GREB1L: variants seen among roughly 807,000 people sequenced by gnomAD.
GREB1L encodes the protein GREB1-like protein.
A neutral mutation model predicts 200.8 loss-of-function variants in GREB1L; 17 were observed. The observed-to-expected ratio is 0.08, with a 90% CI of 0.06 to 0.13. The LOEUF (loss-of-function observed/expected upper bound fraction) is 0.13, where lower values mean the gene tolerates loss of function less well. GREB1L is among the 10% of genes least tolerant of loss of function. The pLI is 1.00. For missense variants in GREB1L, 1,657 were observed against 2,367.7 expected, an observed-to-expected ratio of 0.70 and a Z score of 6.23; for synonymous variants, 789 against 893.0, an observed-to-expected ratio of 0.88 and a Z score of 2.08.
intron 10 of GREB1L, among the ~76,000 whole-genome samples, chr18:21,442,464 A>G (rs948717617): frequency 1.3e-5 from 2 of 152,210 alleles, no homozygotes; most frequent in Admixed American, 1.3e-4. Context: ...TAAATGCTGT[A>G]TAGATTAGGA....
At chr18:21,268,966 G>C (rs1321082165) in intron 1 of GREB1L, among the ~76,000 whole-genome samples, 1 of 151,874 alleles carries the variant, frequency 6.6e-6, no homozygotes, top group Non-Finnish European at 1.5e-5. Context: ...CTCCGTACAA[G>C]TTGTTCATTG....
At chr18:21,323,176 G>T (rs1277052212) in intron 1 of GREB1L, among the ~76,000 whole-genome samples, 1 of 151,982 alleles carries the variant, frequency 6.6e-6, no homozygotes, top group African/African-American at 2.4e-5. Flanking sequence ...GGTCCCAGCC[G>T]CTTGGGAGGC....
intron 1 of GREB1L, among the ~76,000 whole-genome samples, chr18:21,306,570 G>A (rs1292506481): frequency 6.6e-6 from 1 of 152,176 alleles, no homozygotes; most frequent in East Asian, 1.9e-4. Context: ...TGAAATCGTG[G>A]TAAGTACTCA....
Position 21,415,251 on chromosome 18 carries a change from C to G in GREB1L, c.832+11257C>G, listed in dbSNP as rs529839455. On this transcript the variant is annotated intron_variant, in intron 7 of 32. Transcript: ENST00000424526. Reference sequence around the variant, plus strand: ...ACCATTCAAGCCAAGCGTGGTGGCTCACATCTGTAATCCCAGCATTTAGGA... The same window carrying G: ...ACCATTCAAGCCAAGCGTGGTGGCTGACATCTGTAATCCCAGCATTTAGGA... Among the ~76,000 whole-genome samples, 235 of 152,294 alleles carry G rather than the reference C, an allele frequency of 1.5e-3. 2 individuals carry two copies. The highest frequency in any genetic ancestry group is 5.5e-3 in the African/African-American group (227 of 41,568).
rs189212514 is a variant in GREB1L, at chr18:21,485,664, G to A, written c.2601G>A (p.Glu867=). 18 of 1,551,614 alleles carry A rather than the reference G, an allele frequency of 1.2e-5. No individual in the cohort carries two copies. In the Admixed American group the frequency reaches 3.1e-4, roughly 27 times the overall value. ...AGAAGCTGTACTTTGGCTTGAGTGA[G>A]TACAGCAAGTCTCTGCAGTGGGGGA... The part of the protein sequence containing the change: ...CEEKLYFGLS[E]YSKSLQWGIT... Residue 867 remains glutamate, a synonymous_variant, in exon 18 of 33, where the codon GAG becomes GAA. Transcript: ENST00000424526.
intron 1 of GREB1L, among the ~76,000 whole-genome samples, chr18:21,350,028 C>T (rs192458609): frequency 7.2e-5 from 11 of 152,148 alleles, no homozygotes; most frequent in Admixed American, 3.3e-4. Context: ...AGAGTTGCTA[C>T]ATCCTATGAG....
intron 1 of GREB1L, among the ~76,000 whole-genome samples, chr18:21,292,507 T>C (rs548833328): frequency 6.6e-6 from 1 of 152,362 alleles, no homozygotes; most frequent in East Asian, 1.9e-4. Context: ...ACTCGTTAGC[T>C]ATCGCTTCTC....
chr18:21,488,147 A>T (rs1222575254), intron 18 of GREB1L, among the ~76,000 whole-genome samples: 3 of 152,002 alleles, frequency 2.0e-5, no homozygotes, highest in Admixed American at 6.6e-5. Context: ...TCTACTAAAA[A>T]TACAAAATTA....
At chr18:21,308,527 C>G (rs1190276212) in intron 1 of GREB1L, among the ~76,000 whole-genome samples, 3 of 152,210 alleles carry the variant, frequency 2.0e-5, no homozygotes, top group Non-Finnish European at 4.4e-5. Context: ...GTCATTGGTC[C>G]ATAGGGAGCT....
chr18:21,504,330 G>A (rs1036343570), intron 23 of GREB1L, among the ~76,000 whole-genome samples: 9 of 152,192 alleles, frequency 5.9e-5, no homozygotes, highest in Admixed American at 1.3e-4. Context: ...GAGGCTAGAA[G>A]TCTGAGATCA....
chr18:21,255,502 A>G (rs1474100623), intron 1 of GREB1L, among the ~76,000 whole-genome samples: 2 of 152,218 alleles, frequency 1.3e-5, no homozygotes, highest in Non-Finnish European at 2.9e-5. Context: ...TTGTCAAACT[A>G]TGGACCACCT....
intron 32 of GREB1L, 57 bp from the exon 33 acceptor site, chr18:21,522,601 G>T: frequency 7.5e-7 from 1 of 1,329,564 alleles, no homozygotes. Flanking sequence ...CAGAGATAAA[G>T]TTCTTTATAA....
At chr18:21,347,018 G>C (rs945211283) in intron 1 of GREB1L, among the ~76,000 whole-genome samples, 3 of 152,126 alleles carry the variant, frequency 2.0e-5, no homozygotes, top group African/African-American at 7.2e-5. Context: ...CGCATGCCAT[G>C]GGACATTTTC....
intron 1 of GREB1L, among the ~76,000 whole-genome samples, chr18:21,331,595 GT>G (rs1371507738): frequency 6.6e-6 from 1 of 152,174 alleles, no homozygotes; most frequent in Non-Finnish European, 1.5e-5. Context: ...CATTCAAGGA[GT>G]AATGAATGAA....
At chr18:21,465,256 C>T (rs1034321474) in intron 15 of GREB1L, among the ~76,000 whole-genome samples, 1 of 152,056 alleles carries the variant, frequency 6.6e-6, no homozygotes, top group Non-Finnish European at 1.5e-5. Flanking sequence ...CTCCCCAGCC[C>T]CAAAACCCAT....
chr18:21,475,969 TCAAAAAAAAAAAA>T (rs2035680240), intron 16 of GREB1L, among the ~76,000 whole-genome samples: 1 of 6,048 alleles, frequency 1.7e-4, no homozygotes, highest in Non-Finnish European at 5.1e-4. Flanking sequence ...AGACTCCGTC[TCAAAAAAAAAAAA>T]AAAAAAAAAA....
intron 1 of GREB1L, among the ~76,000 whole-genome samples, chr18:21,254,502 C>G (rs2037770313): frequency 6.6e-6 from 1 of 152,120 alleles, no homozygotes; most frequent in Non-Finnish European, 1.5e-5. Context: ...AGTTGCCTCC[C>G]TTAGCGTTTC....
chr18:21,374,723 T>G (rs2040002652), intron 2 of GREB1L, among the ~76,000 whole-genome samples: 1 of 152,180 alleles, frequency 6.6e-6, no homozygotes, highest in South Asian at 2.1e-4. Flanking sequence ...TTTTTAAAAA[T>G]ACTTTTAAAA....
chr18:21,267,534 A>T (rs1187047294), intron 1 of GREB1L, among the ~76,000 whole-genome samples: 2 of 152,040 alleles, frequency 1.3e-5, no homozygotes, highest in Non-Finnish European at 2.9e-5. Context: ...TCCCCATTAC[A>T]TCATGAAGTT....
Sources: gnomAD v4.1 joint callset for allele counts (sites outside exome capture counted in the v4.1 genomes callset) on GRCh38, gnomAD v4.1.1 for gene constraint, MANE v1.5 for transcripts, NCBI Gene and HGNC (gene_info 2026-07-23, HGNC 2026-07-21) for gene names.